Variants in DDX39B observed in about 807,000 individuals in gnomAD.
DDX39B encodes spliceosome RNA helicase DDX39B.
In DDX39B, 6 loss-of-function variants were observed where a neutral mutation model predicts 46.4. The ratio of observed to expected loss-of-function variants is 0.13; its 90% CI spans 0.07 to 0.26. The LOEUF (loss-of-function observed/expected upper bound fraction) is 0.26, where lower values mean the gene tolerates loss of function less well. Ranked by LOEUF, DDX39B falls within the 10% of genes least tolerant of loss-of-function variation. DDX39B has a pLI of 1.00. For synonymous variants in DDX39B, 174 were observed against 199.4 expected, an observed-to-expected ratio of 0.87 and a Z score of 1.07; for missense variants, 185 against 553.4, an observed-to-expected ratio of 0.33 and a Z score of 6.68.
chr6:31,531,478 GGA>G lies in DDX39B; in HGVS notation c.868-75_868-74del, dbSNP rs1248270367. ...CATGGTGTGTGAGAGACATTACGTG[GGA>G]GAGGGGAGTTTCTAGTAATTACGTT... On this transcript the variant is annotated intron_variant, in intron 7 of 10. Transcript: ENST00000396172. This position sits in a 1 kb window ranked among gnomAD's most constrained non-coding sequence, Gnocchi z 5.8. 3 of 1,302,714 alleles carry G rather than the reference GGA, an allele frequency of 2.3e-6. No individual in the cohort carries two copies. Among genetic ancestry groups the G allele is most frequent in the Non-Finnish European group, 3.3e-6 (3 of 908,380 alleles). 80.7% of individuals were successfully genotyped at this position (1,302,714 alleles called of 1,614,324 possible).
rs762528027 is a variant in DDX39B at position 31,535,529 on chromosome 6, A to T, written c.617-44T>A. The T allele has an allele frequency of 2.0e-6, 3 of 1,519,350 alleles. No individual in the cohort carries two copies. The Admixed American group carries it at 5.1e-5, about 26-fold the overall frequency. The allele number at this position is 1,519,350 out of a possible 1,614,324, so 94.1% of individuals were successfully genotyped here. On this transcript the variant is annotated intron_variant, in intron 5 of 10. Transcript: ENST00000396172. The surrounding 1 kb of genome is among the most constrained non-coding windows in gnomAD (Gnocchi z 4.6). ...AAATTGTAGGAGAAAATAAGCAGGT[A>T]TGATAAACAAAGATTAGAGGTAGAC... is the stretch of plus-strand genomic sequence containing the variant.
In DDX39B at chr6:31,532,916, G is replaced by A. The variant is rs767114483; in HGVS notation, c.736-5C>T. The A allele has an allele frequency of 1.7e-5, 25 of 1,435,984 alleles. No individual in the cohort carries two copies. Among genetic ancestry groups the A allele is most frequent in the Non-Finnish European group, 2.3e-5 (24 of 1,056,588 alleles). The allele number at this position is 1,435,984 out of a possible 1,614,324, so 89.0% of individuals were successfully genotyped here. A position where few individuals can be genotyped will look rare whatever the true frequency, so the allele number is the denominator to read the frequency against. On this transcript the variant is annotated splice_polypyrimidine_tract_variant and splice_region_variant and intron_variant, in intron 6 of 10. Coordinates refer to ENST00000396172, the MANE Select transcript of DDX39B (RefSeq NM_004640.7). ...ATCCACGAAGATCTCCATTGGCTGGGGGGGAGGAAGGGGGTGGGGAACGGG... is the reference window on the plus strand; with the variant it reads ...ATCCACGAAGATCTCCATTGGCTGGAGGGGAGGAAGGGGGTGGGGAACGGG...
chr6:31,537,243 C>T (rs1327878780), intron 4 of DDX39B, among the ~76,000 whole-genome samples: 3 of 151,800 alleles, frequency 2.0e-5, no homozygotes, highest in East Asian at 1.9e-4. Context: ...CTGGCCAACA[C>T]GGTGAAACCC....
At chr6:31,533,452 T>G in intron 6 of DDX39B, 1 of 157,774 alleles carries the variant, frequency 6.3e-6, no homozygotes, top group South Asian at 1.8e-4. Flanking sequence ...AATGCTGCAA[T>G]GGACAGTCAA....
intron 3 of DDX39B, 139 bp downstream of exon 3, chr6:31,539,008 C>A (rs749515605): frequency 5.3e-6 from 8 of 1,515,962 alleles, no homozygotes; most frequent in Non-Finnish European, 7.3e-6. Context: ...GACAGAACAT[C>A]CCCCACAGCT....
At position 31,540,636 on chromosome 6, in the gene DDX39B, A is replaced by G; in HGVS notation, c.-104T>C. 9.5e-7 allele frequency: 1 copy of G among 1,055,920 alleles called. No homozygotes were observed. The highest frequency in any genetic ancestry group is 1.4e-5 in the South Asian group (1 of 71,442). The allele number at this position is 1,055,920 out of a possible 1,614,324, so 65.4% of individuals were successfully genotyped here. A position where few individuals can be genotyped will look rare whatever the true frequency, so the allele number is the denominator to read the frequency against. On this transcript the variant is annotated 5_prime_UTR_variant, in exon 2 of 11. Coordinates refer to ENST00000396172, the MANE Select transcript of DDX39B (RefSeq NM_004640.7). ...TAGGGGATTGAGGAACAGCAAAGGA[A>G]AACAAAGATACTATTTCTAACAGAA...
chr6:31,535,529 A>G lies in DDX39B; in HGVS notation c.617-44T>C, dbSNP rs762528027. The G allele has an allele frequency of 1.3e-6, 2 of 1,519,232 alleles. No homozygotes were observed. The highest frequency in any genetic ancestry group is 1.8e-6 in the Non-Finnish European group (2 of 1,097,678). 94.1% of individuals were successfully genotyped at this position (1,519,232 alleles called of 1,614,324 possible). A position where few individuals can be genotyped will look rare whatever the true frequency, so the allele number is the denominator to read the frequency against. ...AAATTGTAGGAGAAAATAAGCAGGT[A>G]TGATAAACAAAGATTAGAGGTAGAC... On this transcript the variant is annotated intron_variant, in intron 5 of 10. Transcript: ENST00000396172. This position sits in a 1 kb window ranked among gnomAD's most constrained non-coding sequence, Gnocchi z 4.6.
chr6:31,540,039 G>C lies in DDX39B; in HGVS notation c.211+283C>G, dbSNP rs9501148. 3.9e-3 allele frequency among the ~76,000 whole-genome samples: 591 copies of C among 152,176 alleles called. 4 individuals are homozygous for C. The highest frequency in any genetic ancestry group is 0.013 in the African/African-American group (524 of 41,512). ...GGCTGGTGCACAGTGGTGCAATCAC[G>C]GCTCACTGAAGCCTCAACCTTCACC... On this transcript the variant is annotated intron_variant, in intron 2 of 10. Coordinates refer to ENST00000396172, the MANE Select transcript of DDX39B (RefSeq NM_004640.7).
rs1371625215 is a variant in DDX39B at position 31,530,374 on chromosome 6, C to A, written c.*60G>T. On this transcript the variant is annotated 3_prime_UTR_variant, in exon 11 of 11. Coordinates refer to ENST00000396172, the MANE Select transcript of DDX39B (RefSeq NM_004640.7). This position sits in a 1 kb window ranked among gnomAD's most constrained non-coding sequence, Gnocchi z 4.5. Reference sequence around the variant, plus strand: ...GTGGGGGCAGTAGTGTCTCCTTCACCCCCACCCTGGTGTCCTCTCCTGAAG... The same window carrying A: ...GTGGGGGCAGTAGTGTCTCCTTCACACCCACCCTGGTGTCCTCTCCTGAAG... The A allele has an allele frequency of 6.2e-7, 1 of 1,606,204 alleles. No homozygotes were observed. Among genetic ancestry groups the A allele is most frequent in the Non-Finnish European group, 8.5e-7 (1 of 1,175,724 alleles).
intron 7 of DDX39B, among the ~76,000 whole-genome samples, chr6:31,532,102 G>A (rs1345075628): frequency 6.6e-6 from 1 of 152,178 alleles, no homozygotes; most frequent in African/African-American, 2.4e-5. Context: ...AAAGTACTGG[G>A]ATTATGGGCA....
Position 31,530,311 on chromosome 6 carries a change from T to C in DDX39B, c.*123A>G. 1 of 1,201,058 alleles carries C rather than the reference T, an allele frequency of 8.3e-7. No homozygotes were observed. The highest frequency in any genetic ancestry group is 1.2e-6 in the Non-Finnish European group (1 of 859,570). 74.4% of individuals were successfully genotyped at this position (1,201,058 alleles called of 1,614,324 possible). A position where few individuals can be genotyped will look rare whatever the true frequency, so the allele number is the denominator to read the frequency against. On this transcript the variant is annotated 3_prime_UTR_variant, in exon 11 of 11. Transcript: ENST00000396172. This position sits in a 1 kb window ranked among gnomAD's most constrained non-coding sequence, Gnocchi z 4.5. ...AATGGGGGTTCAGGAGTGGTGGTGA[T>C]GCAAAAGATGGAAGCCATGGGGTGG...
chr6:31,539,650 G>A (rs141292981), intron 2 of DDX39B, among the ~76,000 whole-genome samples: 56 of 151,986 alleles, frequency 3.7e-4, no homozygotes, highest in Admixed American at 1.1e-3. Flanking sequence ...GCTATACTTC[G>A]GGTCACGTAA....
Position 31,534,277 on chromosome 6 carries a change from G to C in DDX39B, c.735+1090C>G. ...GGCCTCCCAAAGTGCTGGGATTAGA[G>C]GTGAGCCACCAGGCCCAGCCAAGGC... On this transcript the variant is annotated intron_variant, in intron 6 of 10. Transcript: ENST00000396172. This position sits in a 1 kb window ranked among gnomAD's most constrained non-coding sequence, Gnocchi z 5.1. The C allele has an allele frequency of 3.2e-6, 1 of 315,598 alleles. No homozygotes were observed. The highest frequency in any genetic ancestry group is 6.4e-6 in the Non-Finnish European group (1 of 155,290). The allele number at this position is 315,598 out of a possible 1,614,324, so 19.5% of individuals were successfully genotyped here.
chr6:31,542,001 T>G lies in DDX39B; in HGVS notation c.-184A>C, dbSNP rs188923768. 2.9e-6 allele frequency: 2 copies of G among 681,180 alleles called. No individual in the cohort carries two copies. Among genetic ancestry groups the G allele is most frequent in the Middle Eastern group, 5.5e-4 (2 of 3,652 alleles). 42.2% of individuals were successfully genotyped at this position (681,180 alleles called of 1,614,324 possible). A position where few individuals can be genotyped will look rare whatever the true frequency, so the allele number is the denominator to read the frequency against. ...CAGCAACAGCGACGAAGGAGGGAAA[T>G]CTGCCTTCACTTCCGGTTGCAGGCT... On this transcript the variant is annotated 5_prime_UTR_variant, in exon 1 of 11. Transcript: ENST00000396172.
At position 31,531,068 on chromosome 6, in the gene DDX39B, G is replaced by A. The variant is rs775758603; in HGVS notation, c.1107C>T (p.Asp369=). The change falls in exon 9 of 11, where the codon GAC becomes GAT. Residue 369 remains aspartate (D), a synonymous_variant. Coordinates refer to ENST00000396172, the MANE Select transcript of DDX39B (RefSeq NM_004640.7). The surrounding 1 kb of genome is among the most constrained non-coding windows in gnomAD (Gnocchi z 5.8). ...TGAGGTTTACCCGATGCAGGTAGGT[G>A]TCAGAATCCTCAGGCATGTCATAAT... ...AFNYDMPEDS[D]TYLHRVARAG... is the part of the protein sequence containing the mutation. 129 of 1,614,044 alleles carry A rather than the reference G, an allele frequency of 8.0e-5. 1 individual carries two copies. In the South Asian group the frequency reaches 1.4e-3, roughly 17 times the overall value.
rs559425902 is a variant in DDX39B at position 31,530,464 on chromosome 6, G to A, written c.1271-14C>T. 8.1e-6 allele frequency: 13 copies of A among 1,610,204 alleles called. No homozygotes were observed. The highest frequency in any genetic ancestry group is 6.6e-5 in the South Asian group (6 of 91,044). On this transcript the variant is annotated splice_polypyrimidine_tract_variant and intron_variant, in intron 10 of 10. Coordinates refer to ENST00000396172, the MANE Select transcript of DDX39B (RefSeq NM_004640.7). The surrounding 1 kb of genome is among the most constrained non-coding windows in gnomAD (Gnocchi z 4.5). ...GTGTCTGTTCAACTGAGAAGAAAACGTAGCATGGTCAGAATAAGGCATGAA... is the reference window on the plus strand; with the variant it reads ...GTGTCTGTTCAACTGAGAAGAAAACATAGCATGGTCAGAATAAGGCATGAA...
chr6:31,540,185 A>T (rs1768248572), intron 2 of DDX39B, 137 bp downstream of exon 2: 1 of 930,202 alleles, frequency 1.1e-6, no homozygotes, highest in East Asian at 2.5e-5. Flanking sequence ...CTGGGATTAC[A>T]GGCGTGAGCC....
rs754217742 is a variant in DDX39B at position 31,535,247 on chromosome 6, C to CA, written c.735+119dup. 1 of 916,586 alleles carries CA rather than the reference C, an allele frequency of 1.1e-6. No individual in the cohort carries two copies. The highest frequency in any genetic ancestry group is 1.8e-6 in the Non-Finnish European group (1 of 557,804). 56.8% of individuals were successfully genotyped at this position (916,586 alleles called of 1,614,324 possible). The stretch of plus-strand genomic sequence containing the variant: ...TGTCTCTTCAAGGAGTCATTACTCC[C>CA]AGTTGGGCACAAGCCGCCTTCTTGG... On this transcript the variant is annotated intron_variant, in intron 6 of 10. Transcript: ENST00000396172. This position sits in a 1 kb window ranked among gnomAD's most constrained non-coding sequence, Gnocchi z 4.6.
rs1189361800 is a variant in DDX39B at position 31,534,682 on chromosome 6, C to T, written c.735+685G>A. ...GGTCCTCAGCTTCCTGGTCAGGTTT[C>T]CCCGCGGCCTCCGCTGCCGCCATCC... On this transcript the variant is annotated intron_variant, in intron 6 of 10. Transcript: ENST00000396172. This position sits in a 1 kb window ranked among gnomAD's most constrained non-coding sequence, Gnocchi z 5.1. 1 of 357,148 alleles carries T rather than the reference C, an allele frequency of 2.8e-6. No individual in the cohort carries two copies. The highest frequency in any genetic ancestry group is 3.7e-5 in the Admixed American group (1 of 26,826). 22.1% of individuals were successfully genotyped at this position (357,148 alleles called of 1,614,324 possible). A position where few individuals can be genotyped will look rare whatever the true frequency, so the allele number is the denominator to read the frequency against.
Sources: gnomAD v4.1 joint callset for allele counts (sites outside exome capture counted in the v4.1 genomes callset) on GRCh38, gnomAD v4.1.1 for gene constraint, Gnocchi (gnomAD v3.1) non-coding constraint, MANE v1.5 for transcripts, NCBI Gene and HGNC (gene_info 2026-07-23, HGNC 2026-07-21) for gene names.